The following ANAPC1 variants were observed in gnomAD, a reference collection of about 807,000 sequenced individuals.
ANAPC1 encodes the protein anaphase promoting complex subunit 1, also known as anaphase-promoting complex subunit 1.
Under a neutral mutation model 208.0 loss-of-function variants are expected in ANAPC1, and 36 were observed. The ratio of observed to expected loss-of-function variants is 0.17; its 90% CI spans 0.13 to 0.23. The LOEUF (loss-of-function observed/expected upper bound fraction) is 0.23, where lower values mean the gene tolerates loss of function less well. Among genes scored for constraint, ANAPC1 ranks in the 10% least tolerant of loss-of-function variants. The pLI is 1.00. For synonymous variants in ANAPC1, 378 were observed against 695.2 expected (o/e 0.54, Z 7.18); for missense variants, 942 against 2,011.6 (o/e 0.47, Z 10.17).
intron 11 of ANAPC1, among the ~76,000 whole-genome samples, chr2:111,857,348 T>C (rs1681789725): frequency 6.6e-6 from 1 of 152,232 alleles, no homozygotes; most frequent in Non-Finnish European, 1.5e-5. Flanking sequence ...TAACTTCCTT[T>C]AATCTATCGT....
At chr2:111,848,568 A>G (rs182600988) in intron 14 of ANAPC1, among the ~76,000 whole-genome samples, 2,394 of 152,132 alleles carry the variant, frequency 0.016, 28 homozygotes, top group Non-Finnish European at 0.024. Context: ...CTTGAGGTCA[A>G]GAGTTCAAGA....
intron 3 of ANAPC1, among the ~76,000 whole-genome samples, chr2:111,877,977 A>G (rs1480534790): frequency 6.6e-6 from 1 of 152,126 alleles, no homozygotes; most frequent in Non-Finnish European, 1.5e-5. Context: ...TTCATTCTGT[A>G]TTATAGCTAG....
chr2:111,841,767 G>A (rs1476614054), intron 17 of ANAPC1, among the ~76,000 whole-genome samples: 2 of 152,090 alleles, frequency 1.3e-5, no homozygotes, highest in Non-Finnish European at 2.9e-5. Flanking sequence ...CCACTGGACT[G>A]AGAAGAGACT....
At chr2:111,849,584 C>T (rs950399633) in intron 14 of ANAPC1, among the ~76,000 whole-genome samples, 3 of 152,208 alleles carry the variant, frequency 2.0e-5, no homozygotes, top group African/African-American at 7.2e-5. Flanking sequence ...CTTGGTAAAT[C>T]CAGGTACCTT....
At chr2:111,811,048 A>C (rs1678966840) in intron 28 of ANAPC1, among the ~76,000 whole-genome samples, 1 of 152,098 alleles carries the variant, frequency 6.6e-6, no homozygotes, top group African/African-American at 2.4e-5. Context: ...CCCTTCACAG[A>C]AGTTCGGCCA....
Position 111,768,527 on chromosome 2 carries a change from C to T in ANAPC1, c.*764G>A, listed in dbSNP as rs1225344613. ...CCTGATAAGGGCTCTTCTTGGCTTG[C>T]AGACGGCCGACTCCTCACTGTCTTC... On this transcript the variant is annotated 3_prime_UTR_variant, in exon 48 of 48. Transcript: ENST00000341068. 2 of 150,620 alleles carry T rather than the reference C, an allele frequency of 1.3e-5. No individual in the cohort carries two copies. The highest frequency in any genetic ancestry group is 6.6e-5 in the Admixed American group (1 of 15,176). The allele number at this position is 150,620 out of a possible 1,614,324, so 9.3% of individuals were successfully genotyped here. A position where few individuals can be genotyped will look rare whatever the true frequency, so the allele number is the denominator to read the frequency against.
At chr2:111,820,077 C>A (rs1330240199) in intron 26 of ANAPC1, among the ~76,000 whole-genome samples, 1 of 152,200 alleles carries the variant, frequency 6.6e-6, no homozygotes, top group African/African-American at 2.4e-5. Context: ...ATCATTATTT[C>A]ATGAGAAACT....
chr2:111,794,776 G>T (rs1447156906), intron 35 of ANAPC1, 42 bp downstream of exon 35: 2 of 872,008 alleles, frequency 2.3e-6, no homozygotes, highest in Non-Finnish European at 3.6e-6. Context: ...TTAATTATCT[G>T]ATAGACGCTA....
chr2:111,840,218 T>C (rs1043845923), intron 17 of ANAPC1, among the ~76,000 whole-genome samples: 1 of 151,948 alleles, frequency 6.6e-6, no homozygotes, highest in Non-Finnish European at 1.5e-5. Flanking sequence ...ATGCCAAAAA[T>C]TGTGTAACGA....
In ANAPC1 at chr2:111,872,991, A is replaced by T. The variant is rs540744130; in HGVS notation, c.529-279T>A. ...TGTGTTAACAATAGCCCTAGGCATTAAAAAGACGATGAGTAACAAAAAAAG... is the reference window on the plus strand; with the variant it reads ...TGTGTTAACAATAGCCCTAGGCATTTAAAAGACGATGAGTAACAAAAAAAG... On this transcript the variant is annotated intron_variant, in intron 5 of 47. Coordinates refer to ENST00000341068, the MANE Select transcript of ANAPC1 (RefSeq NM_022662.4). The T allele has an allele frequency of 3.8e-5, 18 of 472,084 alleles. No individual in the cohort carries two copies. In the East Asian group the frequency reaches 6.2e-4, roughly 16 times the overall value. The allele number at this position is 472,084 out of a possible 1,614,324, so 29.2% of individuals were successfully genotyped here.
chr2:111,823,317 C>T (rs568208707), intron 24 of ANAPC1, among the ~76,000 whole-genome samples: 2 of 152,020 alleles, frequency 1.3e-5, no homozygotes, highest in African/African-American at 4.8e-5. Context: ...GCGCCTGGCC[C>T]AAGCAACAAT....
chr2:111,792,870 G>A (rs1366473127), intron 37 of ANAPC1, among the ~76,000 whole-genome samples: 2 of 152,114 alleles, frequency 1.3e-5, no homozygotes, highest in Non-Finnish European at 1.5e-5. Context: ...GAAGAATGGC[G>A]TGAACCCGGG....
At chr2:111,848,923 G>T (rs1211640721) in intron 14 of ANAPC1, among the ~76,000 whole-genome samples, 1 of 152,094 alleles carries the variant, frequency 6.6e-6, no homozygotes, top group Non-Finnish European at 1.5e-5. Context: ...AAAAATACAG[G>T]AACAGTATTT....
rs1235351119 is a variant in ANAPC1, at chr2:111,851,774, C to A, written c.1516-864G>T. ...GCAGTGAGCCGAGATCGCGCCACTG[C>A]ACTCCAGCCCAGGCAACAAGAACGA... On this transcript the variant is annotated intron_variant, in intron 13 of 47. Transcript: ENST00000341068. Among the ~76,000 whole-genome samples, 5 of 150,818 alleles carry A rather than the reference C, an allele frequency of 3.3e-5. No individual in the cohort carries two copies. The East Asian group carries it at 7.8e-4, about 23-fold the overall frequency.
At chr2:111,794,782 C>T (rs1220855698) in intron 35 of ANAPC1, 36 bp downstream of exon 35, 30 of 917,090 alleles carry the variant, frequency 3.3e-5, no homozygotes, top group Middle Eastern at 2.3e-4. Flanking sequence ...ATCTGATAGA[C>T]GCTAGGATAG....
chr2:111,826,661 A>ATTTTTTTTT (rs35434299), intron 21 of ANAPC1, among the ~76,000 whole-genome samples: 4 of 115,020 alleles, frequency 3.5e-5, no homozygotes, highest in East Asian at 2.4e-4. Context: ...TTATTTATTT[A>ATTTTTTTTT]TTTATTTTTT....
At chr2:111,806,930 C>G (rs1365353893) in intron 29 of ANAPC1, among the ~76,000 whole-genome samples, 22 of 86,782 alleles carry the variant, frequency 2.5e-4, no homozygotes, top group African/African-American at 1.0e-3. Flanking sequence ...ACGTGCTGGC[C>G]CTTGCCTGTA....
chr2:111,838,608 G>A (rs1198497517), intron 17 of ANAPC1, 96 bp from the exon 18 acceptor site: 12 of 974,466 alleles, frequency 1.2e-5, no homozygotes, highest in South Asian at 7.7e-5. Context: ...TGCCAATTAC[G>A]AAAACTGAGA....
At chr2:111,868,536 G>A (rs1194482241) in intron 6 of ANAPC1, among the ~76,000 whole-genome samples, 2 of 151,784 alleles carry the variant, frequency 1.3e-5, no homozygotes, top group Non-Finnish European at 2.9e-5. Context: ...AATTAAGTCT[G>A]CTTTTTTTTT....
Sources: gnomAD v4.1 joint callset for allele counts (sites outside exome capture counted in the v4.1 genomes callset) on GRCh38, gnomAD v4.1.1 for gene constraint, MANE v1.5 for transcripts, NCBI Gene and HGNC (gene_info 2026-07-23, HGNC 2026-07-21) for gene names.